Variants in PEAK1 observed in about 807,000 individuals in gnomAD.
PEAK1 encodes inactive tyrosine-protein kinase PEAK1.
Under a neutral mutation model 124.7 loss-of-function variants are expected in PEAK1, and 54 were observed. The observed-to-expected ratio is 0.43, with a 90% confidence interval of 0.35 to 0.54. PEAK1 has a LOEUF of 0.54. PEAK1 is among the 20% of genes least tolerant of loss of function. The pLI, the probability that PEAK1 is intolerant of heterozygous loss-of-function variation, is 0.01. For synonymous variants in PEAK1, 719 were observed against 760.0 expected (o/e 0.95, Z 0.89); for missense variants, 2,046 against 2,134.5 (o/e 0.96, Z 0.82).
At chr15:77,319,942 A>C (rs1416588923) in intron 2 of PEAK1, among the ~76,000 whole-genome samples, 1 of 152,186 alleles carries the variant, frequency 6.6e-6, no homozygotes, top group Non-Finnish European at 1.5e-5. Context: ...GGTCAACTAC[A>C]AAGCAGAACC....
At chr15:77,205,609 G>A (rs2058602189) in intron 6 of PEAK1, among the ~76,000 whole-genome samples, 2 of 152,082 alleles carry the variant, frequency 1.3e-5, no homozygotes, top group South Asian at 4.1e-4. Context: ...CTTTGGTTGT[G>A]GCAGTCCTGT....
At chr15:77,163,563 G>C (rs2055847024) in intron 7 of PEAK1, among the ~76,000 whole-genome samples, 1 of 152,132 alleles carries the variant, frequency 6.6e-6, no homozygotes, top group Admixed American at 6.5e-5. Flanking sequence ...ACAGATTTTT[G>C]TAAAAATTAT....
chr15:77,207,244 CA>C (rs1368810098), intron 6 of PEAK1, among the ~76,000 whole-genome samples: 1 of 152,164 alleles, frequency 6.6e-6, no homozygotes, highest in African/African-American at 2.4e-5. Flanking sequence ...GCAATGGCAA[CA>C]AAAGACAAAA....
chr15:77,249,977 A>C (rs1255906677), intron 6 of PEAK1, among the ~76,000 whole-genome samples: 3 of 151,660 alleles, frequency 2.0e-5, no homozygotes. Flanking sequence ...CAACAAAAAA[A>C]ATTTTTTTTA....
intron 6 of PEAK1, among the ~76,000 whole-genome samples, chr15:77,208,443 TAG>T (rs2058761364): frequency 6.6e-6 from 1 of 152,292 alleles, no homozygotes; most frequent in South Asian, 2.1e-4. Context: ...CTCCCTTGTC[TAG>T]AGTCACTAGT....
At chr15:77,420,624 T>TAA (rs10660461), upstream of PEAK1, 37,548 of 326,004 alleles carry the variant, frequency 0.12, 1,112 homozygotes, top group Middle Eastern at 0.14. Context: ...GCCTTCGCAA[T>TAA]AAAAAAAAAA....
Position 77,231,456 on chromosome 15 carries a change from A to G in PEAK1, c.-115+20911T>C, listed in dbSNP as rs114107967. ...TTGCAATAGCTTTGCAAGCAAAGGG[A>G]AGTAGCTAAAATTAGACAAAAGTTT... On this transcript the variant is annotated intron_variant, in intron 6 of 9. Coordinates refer to ENST00000682557, the MANE Select transcript of PEAK1 (RefSeq NM_001385026.1). Among the ~76,000 whole-genome samples the G allele has an allele frequency of 7.3e-3, 1,112 of 152,332 alleles. 15 individuals are homozygous for G. Among genetic ancestry groups the G allele is most frequent in the African/African-American group, 0.025 (1,056 of 41,580 alleles).
chr15:77,299,806 A>G (rs1405886794), intron 2 of PEAK1, among the ~76,000 whole-genome samples: 1 of 152,232 alleles, frequency 6.6e-6, no homozygotes, highest in Non-Finnish European at 1.5e-5. Context: ...CACTGATTAC[A>G]ATAATTGGCA....
At chr15:77,224,677 T>A (rs1002284945) in intron 6 of PEAK1, among the ~76,000 whole-genome samples, 2 of 151,938 alleles carry the variant, frequency 1.3e-5, no homozygotes, top group Admixed American at 1.3e-4. Flanking sequence ...TGTAAGTGAA[T>A]GCACACTGTA....
chr15:77,197,880 G>A (rs910227606), intron 6 of PEAK1, among the ~76,000 whole-genome samples: 3 of 152,082 alleles, frequency 2.0e-5, no homozygotes, highest in African/African-American at 7.2e-5. Flanking sequence ...ATTTTATGGT[G>A]ATTTGTGACA....
At chr15:77,259,976 A>G (rs1465853913) in intron 5 of PEAK1, among the ~76,000 whole-genome samples, 1 of 152,238 alleles carries the variant, frequency 6.6e-6, no homozygotes, top group East Asian at 1.9e-4. Flanking sequence ...ATTTAGCTAG[A>G]TAAAAACGTT....
chr15:77,160,575 C>G (rs1268190497), intron 7 of PEAK1, among the ~76,000 whole-genome samples: 3 of 152,042 alleles, frequency 2.0e-5, no homozygotes, highest in Admixed American at 2.0e-4. Flanking sequence ...ACTGGGGAGG[C>G]TGAGGCAGGA....
chr15:77,162,295 A>T (rs544353938), intron 7 of PEAK1, among the ~76,000 whole-genome samples: 1 of 152,102 alleles, frequency 6.6e-6, no homozygotes, highest in Non-Finnish European at 1.5e-5. Flanking sequence ...GGGGTTCGAG[A>T]TCAGCCTGGC....
intron 6 of PEAK1, among the ~76,000 whole-genome samples, chr15:77,182,770 G>C (rs1280325041): frequency 3.6e-5 from 2 of 55,450 alleles, no homozygotes; most frequent in South Asian, 4.6e-4. Flanking sequence ...AAAAAAAAAA[G>C]GCTGAAAAGG....
intron 5 of PEAK1, among the ~76,000 whole-genome samples, chr15:77,261,913 G>A (rs548091868): frequency 9.0e-4 from 137 of 152,140 alleles, no homozygotes; most frequent in African/African-American, 3.2e-3. Flanking sequence ...CTGATCTCTT[G>A]GCAGAAACTC....
chr15:77,345,080 A>G (rs148037939), intron 2 of PEAK1, among the ~76,000 whole-genome samples: 365 of 138,478 alleles, frequency 2.6e-3, no homozygotes, highest in South Asian at 5.7e-3. Flanking sequence ...GATGGTGAAT[A>G]TAAGTGGTGA....
At chr15:77,383,530 T>C (rs147657276) in intron 1 of PEAK1, among the ~76,000 whole-genome samples, 1,573 of 152,306 alleles carry the variant, frequency 0.01, 27 homozygotes, top group African/African-American at 0.036. Context: ...CCACTAGGGA[T>C]TCAGACTGGG....
intron 2 of PEAK1, among the ~76,000 whole-genome samples, chr15:77,330,213 A>G (rs1264443002): frequency 2.0e-5 from 3 of 152,282 alleles, no homozygotes; most frequent in African/African-American, 7.2e-5. Context: ...ATGTTGATGT[A>G]CGTATTTCAT....
chr15:77,359,713 A>T (rs1440818608), intron 2 of PEAK1, among the ~76,000 whole-genome samples: 1 of 152,226 alleles, frequency 6.6e-6, no homozygotes, highest in Non-Finnish European at 1.5e-5. Flanking sequence ...AAAATAAAGT[A>T]CTTAGGAATA....
Sources: gnomAD v4.1 joint callset for allele counts (sites outside exome capture counted in the v4.1 genomes callset) on GRCh38, gnomAD v4.1.1 for gene constraint, MANE v1.5 for transcripts, NCBI Gene and HGNC (gene_info 2026-07-23, HGNC 2026-07-21) for gene names.